The following BEST3 variants were observed in gnomAD, a reference collection of about 807,000 sequenced individuals.
BEST3 encodes the protein bestrophin 3.
In BEST3, 50 loss-of-function variants were observed where a neutral mutation model predicts 47.1. That is an observed-to-expected ratio of 1.06 (90% confidence interval 0.85 to 1.34). The LOEUF is 1.34. Among genes scored for constraint, BEST3 ranks in the 40% most tolerant of loss-of-function variants. The pLI is 0.00. For missense variants in BEST3, 765 were observed against 817.0 expected (o/e 0.94, Z 0.78); for synonymous variants, 282 against 298.8 (o/e 0.94, Z 0.58).
chr12:69,691,478 A>G (rs1340949275), intron 4 of BEST3, among the ~76,000 whole-genome samples: 1 of 152,090 alleles, frequency 6.6e-6, no homozygotes. Flanking sequence ...CCCAACTAAA[A>G]CAGAGTCAAG....
At chr12:69,648,709 T>C (rs1701609246), downstream of BEST3, among the ~76,000 whole-genome samples, 2 of 152,212 alleles carry the variant, frequency 1.3e-5, no homozygotes, top group African/African-American at 2.4e-5. Context: ...CAAGTCCAAC[T>C]GGTGACATCA....
chr12:69,667,830 T>C (rs1320249127), intron 9 of BEST3, among the ~76,000 whole-genome samples: 1 of 152,162 alleles, frequency 6.6e-6, no homozygotes, highest in Admixed American at 6.6e-5. Flanking sequence ...GCATAGAACC[T>C]ACCTCATAGT....
chr12:69,646,474 C>A (rs1362102061), intron 9 of BEST3, among the ~76,000 whole-genome samples: 1 of 151,396 alleles, frequency 6.6e-6, no homozygotes, highest in Non-Finnish European at 1.5e-5. Flanking sequence ...TGGTCAGACA[C>A]TTTTCTAATC....
intron 4 of BEST3, among the ~76,000 whole-genome samples, chr12:69,690,672 C>T (rs961440717): frequency 2.6e-5 from 4 of 152,186 alleles, no homozygotes; most frequent in African/African-American, 9.7e-5. Flanking sequence ...GAAATATCAC[C>T]TCTGTTCATC....
At chr12:69,649,910 T>A (rs535523958), downstream of BEST3, among the ~76,000 whole-genome samples, 351 of 152,332 alleles carry the variant, frequency 2.3e-3, 1 homozygote, top group Non-Finnish European at 4.2e-3. Context: ...AGATACAACA[T>A]TCCCTTTGCT....
At chr12:69,675,789 A>G (rs1193706292) in intron 7 of BEST3, among the ~76,000 whole-genome samples, 1 of 151,914 alleles carries the variant, frequency 6.6e-6, no homozygotes, top group South Asian at 2.1e-4. Context: ...AATTTGAAAT[A>G]TCAACATATT....
chr12:69,672,306 A>G (rs1461699281), intron 8 of BEST3, among the ~76,000 whole-genome samples: 2 of 152,266 alleles, frequency 1.3e-5, no homozygotes, highest in East Asian at 3.8e-4. Flanking sequence ...AGAATGGTCT[A>G]GGGAGAGTCT....
At chr12:69,652,474 G>T (rs1393777928), downstream of BEST3, among the ~76,000 whole-genome samples, 7 of 152,282 alleles carry the variant, frequency 4.6e-5, no homozygotes, top group African/African-American at 1.7e-4. Context: ...AGCAATTGCT[G>T]GTTTGATTTT....
At chr12:69,699,051 A>G (rs2136057509) in intron 1 of BEST3, among the ~76,000 whole-genome samples, 154 bp downstream of exon 1, 1 of 152,352 alleles carries the variant, frequency 6.6e-6, no homozygotes, top group Non-Finnish European at 1.5e-5. Context: ...ATTTGTTCTC[A>G]TGGACTCCCG....
intron 4 of BEST3, among the ~76,000 whole-genome samples, chr12:69,680,310 CTTT>C (rs1555207049): frequency 1.1e-5 from 1 of 95,032 alleles, no homozygotes; most frequent in African/African-American, 4.3e-5. Flanking sequence ...TACACTTGAT[CTTT>C]TTTTTTTTTT....
At chr12:69,674,794 A>C (rs774710396) in intron 7 of BEST3, among the ~76,000 whole-genome samples, 1 of 152,134 alleles carries the variant, frequency 6.6e-6, no homozygotes, top group Non-Finnish European at 1.5e-5. Flanking sequence ...TAAGGTTAAG[A>C]TAGCTTTTCT....
intron 4 of BEST3, among the ~76,000 whole-genome samples, chr12:69,688,717 GC>G (rs1251658312): frequency 1.3e-5 from 2 of 152,086 alleles, no homozygotes; most frequent in Non-Finnish European, 2.9e-5. Flanking sequence ...ATCTATGGAG[GC>G]AAAAACCCTT....
At chr12:69,692,441 A>G (rs1380788547) in intron 4 of BEST3, among the ~76,000 whole-genome samples, 1 of 152,216 alleles carries the variant, frequency 6.6e-6, no homozygotes, top group Non-Finnish European at 1.5e-5. Context: ...TCCTTTAACT[A>G]TCTACATCTC....
chr12:69,650,983 T>C (rs1168542411), downstream of BEST3, among the ~76,000 whole-genome samples: 1 of 152,230 alleles, frequency 6.6e-6, no homozygotes, highest in African/African-American at 2.4e-5. Context: ...CAGTGGTGCA[T>C]GTCTGTAAGC....
intron 4 of BEST3, among the ~76,000 whole-genome samples, chr12:69,681,774 G>A (rs1245134772): frequency 2.0e-5 from 3 of 151,996 alleles, no homozygotes; most frequent in African/African-American, 7.2e-5. Context: ...ATCTCATAAG[G>A]GGACTTTTAG....
Position 69,655,200 on chromosome 12 carries a change from C to T in BEST3, c.1714G>A (p.Glu572Lys). The part of the protein sequence containing the change: ...PSPQTVSASA[E>K]ENIFNCEEDP... ...TCTTCACAGTTGAATATATTTTCCT[C>T]AGCGCTGGCTGAAACTGTCTGGGGA... The change falls in exon 10 of 10, where the codon GAG becomes AAG. Residue 572 changes from glutamate to lysine, a missense_variant. Physicochemically the swap from Glu to Lys is moderately conservative, Grantham distance 56. Transcript: ENST00000330891. 1 of 1,614,160 alleles carries T rather than the reference C, an allele frequency of 6.2e-7. No homozygotes were observed. Among genetic ancestry groups the T allele is most frequent in the Non-Finnish European group, 8.5e-7 (1 of 1,180,022 alleles).
chr12:69,667,334 G>A (rs1208277496), intron 9 of BEST3, among the ~76,000 whole-genome samples: 2 of 151,462 alleles, frequency 1.3e-5, no homozygotes, highest in Admixed American at 6.6e-5. Context: ...CACTCTTGTC[G>A]CCCAGGCTGG....
At chr12:69,652,368 G>A (rs577545421), downstream of BEST3, among the ~76,000 whole-genome samples, 3 of 152,196 alleles carry the variant, frequency 2.0e-5, no homozygotes, top group Non-Finnish European at 4.4e-5. Flanking sequence ...ATGAAATCAG[G>A]TACATGAGAA....
chr12:69,671,462 T>C lies in BEST3; in HGVS notation c.1066A>G (p.Ile356Val). Reference sequence around the variant, plus strand: ...ACTGTTGACCCCAGAAATGAGGGTATGCAGTAGTCAGCAGCTGCCAATGTG... The same window carrying C: ...ACTGTTGACCCCAGAAATGAGGGTACGCAGTAGTCAGCAGCTGCCAATGTG... ...PYTLAAADYC[I>V]PSFLGSTVQM... Residue 356 changes from isoleucine to valine, a missense_variant, in exon 9 of 10, where the codon ATA (isoleucine) becomes GTA (valine). Ile to Val is a conservative substitution (Grantham distance 29). Coordinates refer to ENST00000330891, the MANE Select transcript of BEST3 (RefSeq NM_032735.3). The C allele has an allele frequency of 6.2e-7, 1 of 1,614,116 alleles. No individual in the cohort carries two copies. Among genetic ancestry groups the C allele is most frequent in the Non-Finnish European group, 8.5e-7 (1 of 1,179,992 alleles).
Sources: gnomAD v4.1 joint callset for allele counts (sites outside exome capture counted in the v4.1 genomes callset) on GRCh38, gnomAD v4.1.1 for gene constraint, MANE v1.5 for transcripts, NCBI Gene and HGNC (gene_info 2026-07-23, HGNC 2026-07-21) for gene names.